Variants in SCAPER observed in about 807,000 individuals in gnomAD.
SCAPER encodes the protein S-phase cyclin A associated protein in the ER, also known as S phase cyclin A-associated protein in the endoplasmic reticulum.
In SCAPER, 98 loss-of-function variants were observed where a neutral mutation model predicts 182.2. The ratio of observed to expected loss-of-function variants is 0.54; its 90% confidence interval spans 0.46 to 0.64. The LOEUF (loss-of-function observed/expected upper bound fraction) is 0.64. Ranked by LOEUF, SCAPER falls within the 30% of genes least tolerant of loss-of-function variation. The pLI, the probability that SCAPER is intolerant of heterozygous loss-of-function variation, is 0.00. For synonymous variants in SCAPER, 605 were observed against 564.6 expected, an observed-to-expected ratio of 1.07 and a Z score of -1.01; for missense variants, 1,432 against 1,690.0, an observed-to-expected ratio of 0.85 and a Z score of 2.68.
At chr15:76,610,643 C>T (rs2145929557) in intron 22 of SCAPER, among the ~76,000 whole-genome samples, 1 of 151,962 alleles carries the variant, frequency 6.6e-6, no homozygotes, top group East Asian at 1.9e-4. Flanking sequence ...AAACAACAAA[C>T]TATCTAAAAG....
intron 4 of SCAPER, among the ~76,000 whole-genome samples, chr15:76,856,416 G>C (rs1413718044): frequency 6.6e-6 from 1 of 150,680 alleles, no homozygotes; most frequent in Admixed American, 6.6e-5. Context: ...CTAAAATAAA[G>C]GTTAAAATAC....
At chr15:76,583,991 C>T (rs1201775629) in intron 22 of SCAPER, among the ~76,000 whole-genome samples, 2 of 152,046 alleles carry the variant, frequency 1.3e-5, no homozygotes, top group African/African-American at 2.4e-5. Context: ...CAGCACTATT[C>T]ATAATAGCCA....
intron 23 of SCAPER, among the ~76,000 whole-genome samples, chr15:76,555,347 AACAACAAGATG>A (rs2046114772): frequency 1.3e-5 from 2 of 152,168 alleles, no homozygotes; most frequent in Non-Finnish European, 2.9e-5. Context: ...ATAACTAGCT[AACAACAAGATG>A]ACAGGATCAA....
At chr15:76,588,211 C>T (rs747771839) in intron 22 of SCAPER, among the ~76,000 whole-genome samples, 14 of 152,124 alleles carry the variant, frequency 9.2e-5, no homozygotes, top group Admixed American at 3.9e-4. Flanking sequence ...CGTGAGCCAC[C>T]GCGCCCGGCC....
In SCAPER at chr15:76,354,246, T is replaced by TTTTTCTTTACACTCCTTC; in HGVS notation, c.3856-107_3856-106insGAAGGAGTGTAAAGAAAA. 2.9e-6 allele frequency: 3 copies of TTTTTCTTTACACTCCTTC among 1,045,048 alleles called. No individual in the cohort carries two copies. Among genetic ancestry groups the TTTTTCTTTACACTCCTTC allele is most frequent in the East Asian group, 2.9e-5 (1 of 33,918 alleles). The allele number at this position is 1,045,048 out of a possible 1,614,324, so 64.7% of individuals were successfully genotyped here. On this transcript the variant is annotated intron_variant, in intron 29 of 31. Coordinates refer to ENST00000563290, the MANE Select transcript of SCAPER (RefSeq NM_020843.4). The surrounding 1 kb of genome is among the most constrained non-coding windows in gnomAD (Gnocchi z 4.4). ...CCATGGAAAACATGCTGAAGGAGTG[T>TTTTTCTTTACACTCCTTC]AAAGAAAAAGACTCCTGACTCCGTA...
chr15:76,454,989 G>A (rs2048623197), intron 25 of SCAPER, among the ~76,000 whole-genome samples: 1 of 152,018 alleles, frequency 6.6e-6, no homozygotes, highest in African/African-American at 2.4e-5. Context: ...AAATGCACTG[G>A]TATAAAGCTG....
At chr15:76,689,503 C>T (rs2058229200) in intron 20 of SCAPER, among the ~76,000 whole-genome samples, 1 of 151,736 alleles carries the variant, frequency 6.6e-6, no homozygotes, top group Non-Finnish European at 1.5e-5. Context: ...AAAAAAATAT[C>T]AATTATTGAC....
At position 76,574,041 on chromosome 15, in the gene SCAPER, G is replaced by C. The variant is rs1157680471; in HGVS notation, c.2838+117C>G. 4.1e-6 allele frequency: 4 copies of C among 974,222 alleles called. No individual in the cohort carries two copies. The highest frequency in any genetic ancestry group is 4.0e-5 in the Admixed American group (1 of 24,706). The allele number at this position is 974,222 out of a possible 1,614,324, so 60.3% of individuals were successfully genotyped here. A position where few individuals can be genotyped will look rare whatever the true frequency, so the allele number is the denominator to read the frequency against. ...AAAAAAATTCATCTATTATTGACTA[G>C]CTTTAAAAAACACAGAAGAAAGGTA... On this transcript the variant is annotated intron_variant, in intron 23 of 31. Transcript: ENST00000563290.
chr15:76,744,376 T>G (rs2061689861), intron 15 of SCAPER, among the ~76,000 whole-genome samples: 1 of 152,116 alleles, frequency 6.6e-6, no homozygotes, highest in South Asian at 2.1e-4. Context: ...AGACAATATT[T>G]GCAAACAATG....
intron 25 of SCAPER, among the ~76,000 whole-genome samples, chr15:76,470,400 G>A (rs1042452294): frequency 2.0e-5 from 3 of 152,106 alleles, no homozygotes; most frequent in Admixed American, 2.0e-4. Flanking sequence ...CATGAAGAAG[G>A]TAACATTAAG....
At chr15:76,432,541 T>C (rs16968212) in intron 26 of SCAPER, among the ~76,000 whole-genome samples, 13,847 of 152,240 alleles carry the variant, frequency 0.091, 780 homozygotes, top group African/African-American at 0.14. Flanking sequence ...GAGCAACAAA[T>C]TGCATGGATT....
intron 26 of SCAPER, among the ~76,000 whole-genome samples, chr15:76,432,308 C>G (rs1219088602): frequency 1.3e-5 from 2 of 152,186 alleles, no homozygotes; most frequent in East Asian, 3.8e-4. Context: ...GGTTGTGGCC[C>G]AAAGGGCCTG....
chr15:76,716,047 T>C (rs762805661), intron 17 of SCAPER, among the ~76,000 whole-genome samples: 6 of 152,214 alleles, frequency 3.9e-5, no homozygotes, highest in Non-Finnish European at 8.8e-5. Flanking sequence ...TCAGACCTGA[T>C]ACCAAAAGAG....
At chr15:76,535,772 G>C (rs1382176469) in intron 23 of SCAPER, among the ~76,000 whole-genome samples, 1 of 151,994 alleles carries the variant, frequency 6.6e-6, no homozygotes, top group Non-Finnish European at 1.5e-5. Flanking sequence ...GTCTTGTTAA[G>C]GTAGATCAGT....
Position 76,792,110 on chromosome 15 carries a change from TA to T in SCAPER, c.772+3169del, listed in dbSNP as rs141484359. 9.7e-3 allele frequency among the ~76,000 whole-genome samples: 1,396 copies of T among 144,556 alleles called. 22 individuals are homozygous for T. The highest frequency in any genetic ancestry group is 0.034 in the African/African-American group (1,332 of 39,596). 94.8% of individuals were successfully genotyped at this position (144,556 alleles called of 152,430 possible). On this transcript the variant is annotated intron_variant, in intron 8 of 31. Transcript: ENST00000563290. The stretch of plus-strand genomic sequence containing the variant: ...CAGTGTTAAGACTGTGAGTGATGCT[TA>T]AAAAAAAAAGGTCAAATAATTGTAA...
intron 4 of SCAPER, among the ~76,000 whole-genome samples, chr15:76,857,067 G>C (rs1319092571): frequency 6.6e-6 from 1 of 152,066 alleles, no homozygotes; most frequent in Non-Finnish European, 1.5e-5. Context: ...ATTATATCAA[G>C]AAAGAAAATC....
At chr15:76,708,651 GAA>G (rs2059398276) in intron 17 of SCAPER, among the ~76,000 whole-genome samples, 1 of 152,048 alleles carries the variant, frequency 6.6e-6, no homozygotes, top group East Asian at 1.9e-4. Flanking sequence ...GCAAAAACCA[GAA>G]ACACAACATA....
intron 4 of SCAPER, among the ~76,000 whole-genome samples, chr15:76,848,269 G>A (rs1013610297): frequency 5.9e-5 from 9 of 151,638 alleles, no homozygotes; most frequent in African/African-American, 2.2e-4. Flanking sequence ...CAAAGTGCTG[G>A]GATTACAGGC....
intron 14 of SCAPER, among the ~76,000 whole-genome samples, chr15:76,756,997 T>C (rs1356251273): frequency 1.4e-5 from 1 of 73,338 alleles, no homozygotes; most frequent in Non-Finnish European, 2.8e-5. Context: ...GACTCTCTTC[T>C]GTAAATATAA....
Sources: allele counts gnomAD v4.1 joint callset (sites outside exome capture counted in the v4.1 genomes callset), GRCh38; gene constraint gnomAD v4.1.1; non-coding constraint Gnocchi (gnomAD v3.1); transcripts MANE v1.5; gene names NCBI Gene and HGNC (gene_info 2026-07-23, HGNC 2026-07-21).